The following ASAP2 variants were observed in gnomAD, a reference collection of about 807,000 sequenced individuals.
ASAP2 encodes the protein arf-GAP with SH3 domain, ANK repeat and PH domain-containing protein 2.
Under a neutral mutation model 131.4 loss-of-function variants are expected in ASAP2, and 45 were observed. That is an observed-to-expected ratio of 0.34 (90% CI 0.27 to 0.44). The LOEUF (loss-of-function observed/expected upper bound fraction) is 0.44, where lower values mean the gene tolerates loss of function less well. ASAP2 is among the 20% of genes least tolerant of loss of function. The pLI is 1.00. For synonymous variants in ASAP2, 510 were observed against 503.0 expected (o/e 1.01, Z -0.19); for missense variants, 1,011 against 1,297.0 (o/e 0.78, Z 3.39).
At position 9,271,295 on chromosome 2, in the gene ASAP2, T is replaced by C. The variant is rs1558284608; in HGVS notation, c.127-8022T>C. The C allele has an allele frequency of 6.1e-6, 5 of 820,012 alleles. No homozygotes were observed. In the Admixed American group the frequency reaches 7.1e-5, roughly 12 times the overall value. The allele number at this position is 820,012 out of a possible 1,614,324, so 50.8% of individuals were successfully genotyped here. A position where few individuals can be genotyped will look rare whatever the true frequency, so the allele number is the denominator to read the frequency against. ...GTGAGCCACAAGCATTTAAACCCCA[T>C]GAATCTTCAGCTGATCGTCCTTAGC... On this transcript the variant is annotated intron_variant, in intron 1 of 27. Coordinates refer to ENST00000281419, the MANE Select transcript of ASAP2 (RefSeq NM_003887.3).
intron 9 of ASAP2, among the ~76,000 whole-genome samples, chr2:9,335,874 A>G (rs1479228070): frequency 6.6e-6 from 1 of 152,236 alleles, no homozygotes; most frequent in East Asian, 1.9e-4. Context: ...AAAGGAATGT[A>G]TCTAAACATA....
chr2:9,379,221 G>C (rs1468258961), intron 19 of ASAP2, among the ~76,000 whole-genome samples, 162 bp downstream of exon 19: 1 of 152,242 alleles, frequency 6.6e-6, no homozygotes, highest in African/African-American at 2.4e-5. Flanking sequence ...GCCTCTCCCT[G>C]CCTGTTCCAC....
intron 5 of ASAP2, among the ~76,000 whole-genome samples, chr2:9,321,693 G>A (rs1262283968): frequency 6.6e-6 from 1 of 152,138 alleles, no homozygotes; most frequent in South Asian, 2.1e-4. Flanking sequence ...AGGGCAGAAA[G>A]GGCTTTCTGA....
chr2:9,274,803 G>A (rs187706714), intron 1 of ASAP2, among the ~76,000 whole-genome samples: 176 of 152,176 alleles, frequency 1.2e-3, no homozygotes, highest in Non-Finnish European at 2.3e-3. Flanking sequence ...TTTCTAATCT[G>A]TTTAACAGAT....
chr2:9,334,650 A>G, intron 7 of ASAP2, 88 bp from the exon 8 acceptor site: 1 of 1,160,656 alleles, frequency 8.6e-7, no homozygotes, highest in Non-Finnish European at 1.3e-6. Flanking sequence ...TAATGACTTC[A>G]GTCACTTTAA....
At chr2:9,248,397 T>G (rs1330242512) in intron 1 of ASAP2, among the ~76,000 whole-genome samples, 2 of 152,096 alleles carry the variant, frequency 1.3e-5, no homozygotes, top group Non-Finnish European at 2.9e-5. Flanking sequence ...TCTGGGTAAT[T>G]AGTGTATGTG....
At chr2:9,214,560 A>G (rs1160578391) in intron 1 of ASAP2, among the ~76,000 whole-genome samples, 1 of 151,776 alleles carries the variant, frequency 6.6e-6, no homozygotes, top group African/African-American at 2.4e-5. Context: ...GTGCTTTTAT[A>G]CCATTATCGT....
chr2:9,246,331 G>A (rs778773025), intron 1 of ASAP2, among the ~76,000 whole-genome samples: 5 of 152,148 alleles, frequency 3.3e-5, no homozygotes, highest in African/African-American at 4.8e-5. Context: ...GTCTTGCTCT[G>A]TTACCTAGAC....
intron 26 of ASAP2, 94 bp from the exon 27 acceptor site, chr2:9,401,180 C>T (rs1676633511): frequency 6.6e-7 from 1 of 1,511,750 alleles, no homozygotes; most frequent in African/African-American, 1.4e-5. Context: ...AGGTACGGGA[C>T]TCCTGAGACC....
At chr2:9,339,675 A>T (rs914989188) in intron 9 of ASAP2, among the ~76,000 whole-genome samples, 1 of 152,092 alleles carries the variant, frequency 6.6e-6, no homozygotes, top group Non-Finnish European at 1.5e-5. Context: ...TGTGTGTGAC[A>T]TATCCCTTAG....
chr2:9,261,380 A>T (rs564770249), intron 1 of ASAP2, among the ~76,000 whole-genome samples: 2 of 136,000 alleles, frequency 1.5e-5, no homozygotes, highest in East Asian at 4.9e-4. Context: ...CAAGTCACTT[A>T]AACTCTTTGA....
chr2:9,287,496 G>C (rs192172956), intron 2 of ASAP2, among the ~76,000 whole-genome samples: 134 of 152,362 alleles, frequency 8.8e-4, no homozygotes, highest in African/African-American at 2.8e-3. Context: ...GGTTTCGGAA[G>C]GGGCAGGAGA....
In ASAP2 at chr2:9,207,286, C is replaced by T. The variant is rs891865281; in HGVS notation, c.126+56C>T. ...CAGGTATCCCGCGCCCCAGCCCCGC[C>T]CGCCGCTCCCGCATCCGCATCCCGA... is the stretch of plus-strand genomic sequence containing the variant. On this transcript the variant is annotated intron_variant, in intron 1 of 27. Transcript: ENST00000281419. The surrounding 1 kb of genome is among the most constrained non-coding windows in gnomAD (Gnocchi z 4.1). 2.7e-6 allele frequency: 4 copies of T among 1,465,898 alleles called. No homozygotes were observed. In the Admixed American group the frequency reaches 7.8e-5, roughly 28 times the overall value. 90.8% of individuals were successfully genotyped at this position (1,465,898 alleles called of 1,614,324 possible).
chr2:9,207,188 C>T lies in ASAP2; in HGVS notation c.84C>T (p.Thr28=). 6.2e-7 allele frequency: 1 copy of T among 1,603,888 alleles called. No individual in the cohort carries two copies. Residue 28 remains threonine (T), a synonymous_variant, in exon 1 of 28, where the codon ACC becomes ACT. Coordinates refer to ENST00000281419, the MANE Select transcript of ASAP2 (RefSeq NM_003887.3). This position sits in a 1 kb window ranked among gnomAD's most constrained non-coding sequence, Gnocchi z 4.1. The part of the protein sequence containing the change: ...YKAPTASSFT[T]RTAQCRNTVA... ...CGCCCACGGCCTCCAGCTTCACCAC[C>T]CGCACGGCGCAGTGCCGGAACACTG...
intron 1 of ASAP2, among the ~76,000 whole-genome samples, chr2:9,241,240 T>C (rs1477374183): frequency 6.6e-6 from 1 of 152,252 alleles, no homozygotes; most frequent in African/African-American, 2.4e-5. Context: ...GCATGTGTGC[T>C]GGAAGATATT....
intron 24 of ASAP2, among the ~76,000 whole-genome samples, chr2:9,395,421 G>A (rs1360995388): frequency 6.6e-6 from 1 of 151,878 alleles, no homozygotes; most frequent in Non-Finnish European, 1.5e-5. Context: ...GTTGCAGGGA[G>A]CTGAGATCAC....
intron 3 of ASAP2, among the ~76,000 whole-genome samples, chr2:9,306,919 C>CTGG (rs1489971509): frequency 1.3e-5 from 2 of 152,028 alleles, no homozygotes; most frequent in Admixed American, 6.5e-5. Context: ...CTGGAATCGC[C>CTGG]TGGGGCTTCT....
intron 9 of ASAP2, among the ~76,000 whole-genome samples, chr2:9,342,874 T>C (rs1183348289): frequency 6.6e-6 from 1 of 152,212 alleles, no homozygotes; most frequent in Non-Finnish European, 1.5e-5. Context: ...TACTATCCAC[T>C]TTGCCTTGAA....
At chr2:9,327,938 T>G (rs778575426) in intron 7 of ASAP2, 27 bp downstream of exon 7, 2 of 1,522,664 alleles carry the variant, frequency 1.3e-6, no homozygotes, top group African/African-American at 1.4e-5. Flanking sequence ...TATGTTATCT[T>G]AAATGTTTGT....
Sources: gnomAD v4.1 joint callset for allele counts (sites outside exome capture counted in the v4.1 genomes callset) on GRCh38, gnomAD v4.1.1 for gene constraint, Gnocchi (gnomAD v3.1) non-coding constraint, MANE v1.5 for transcripts, NCBI Gene and HGNC (gene_info 2026-07-23, HGNC 2026-07-21) for gene names.